The following KDM5C variants were observed in gnomAD, a reference collection of about 807,000 sequenced individuals.
KDM5C encodes lysine demethylase 5C, also known as lysine-specific demethylase 5C.
A neutral mutation model predicts 110.6 loss-of-function variants in KDM5C; 16 were observed. That is an observed-to-expected ratio of 0.14 (90% CI 0.10 to 0.22). The LOEUF (loss-of-function observed/expected upper bound fraction) is 0.22, where lower values mean the gene tolerates loss of function less well. KDM5C is among the 10% of genes least tolerant of loss of function. The pLI, the probability that KDM5C is intolerant of heterozygous loss-of-function variation, is 1.00. For synonymous variants in KDM5C, 511 were observed against 520.4 expected (o/e 0.98, Z 0.24); for missense variants, 681 against 1,300.9 (o/e 0.52, Z 7.33).
At position 53,192,753 on chromosome X, in the gene KDM5C, AG is replaced by A; in HGVS notation, c.*213del. On this transcript the variant is annotated 3_prime_UTR_variant, in exon 26 of 26. Coordinates refer to ENST00000375401, the MANE Select transcript of KDM5C (RefSeq NM_004187.5). ...GAATGCTGGTTAGAGGCTACCAGGGAGGGAAGACTCCAGGGGCCGGCCCCCA... is the reference window on the plus strand; with the variant it reads ...GAATGCTGGTTAGAGGCTACCAGGGAGGAAGACTCCAGGGGCCGGCCCCCA... 1 of 1,072,558 alleles carries A rather than the reference AG, an allele frequency of 9.3e-7. No individual in the cohort carries two copies. Among genetic ancestry groups the A allele is most frequent in the Non-Finnish European group, 1.2e-6 (1 of 815,394 alleles). The allele number at this position is 1,072,558 out of a possible 1,213,427, so 88.4% of individuals were successfully genotyped here. A position where few individuals can be genotyped will look rare whatever the true frequency, so the allele number is the denominator to read the frequency against.
chrX:53,185,274 C>T (rs782593527), intron 25 of KDM5C, among the ~76,000 whole-genome samples: 7 of 111,763 alleles, frequency 6.3e-5, no homozygotes, highest in Non-Finnish European at 9.4e-5. Context: ...CTCATAGAAA[C>T]CTCCCACATG....
At chrX:53,191,220 T>TA (rs1260246304), downstream of KDM5C, 2 of 167,620 alleles carry the variant, frequency 1.2e-5, no homozygotes, top group African/African-American at 3.0e-5. Context: ...ACCCTCATCT[T>TA]AAAGACTTTG....
chrX:53,206,352 T>C lies in KDM5C; in HGVS notation c.1746+4062A>G, dbSNP rs782478758. Among the ~76,000 whole-genome samples the C allele has an allele frequency of 7.2e-5, 8 of 111,474 alleles. No individual in the cohort carries two copies. In the South Asian group the frequency reaches 3.0e-3, roughly 42 times the overall value. ...CCGTAAATGGGTATAAGGGATCTTT[T>C]TGGGGTGGTAGAAATGTTCTACAAC... On this transcript the variant is annotated intron_variant, in intron 12 of 25. Coordinates refer to ENST00000375401, the MANE Select transcript of KDM5C (RefSeq NM_004187.5).
At chrX:53,181,940 C>G (rs1934070704) in intron 25 of KDM5C, among the ~76,000 whole-genome samples, 1 of 109,661 alleles carries the variant, frequency 9.1e-6, no homozygotes, top group Admixed American at 9.7e-5. Flanking sequence ...AGGCGCCCAC[C>G]ACCACACCTG....
In KDM5C at chrX:53,214,686, T is replaced by C. The variant is rs1556850741; in HGVS notation, c.1122+3A>G. ...AGGCAGATGTGGAGTGGGGAGGCCT[T>C]ACCGCCATGACACACTTTGGGCACC... On this transcript the variant is annotated splice_donor_region_variant and intron_variant, in intron 8 of 25. Coordinates refer to ENST00000375401, the MANE Select transcript of KDM5C (RefSeq NM_004187.5). The C allele has an allele frequency of 8.3e-7, 1 of 1,206,105 alleles. No homozygotes were observed. Among genetic ancestry groups the C allele is most frequent in the Non-Finnish European group, 1.1e-6 (1 of 892,556 alleles).
chrX:53,201,371 A>C, intron 14 of KDM5C, 179 bp downstream of exon 14: 1 of 479,552 alleles, frequency 2.1e-6, no homozygotes, highest in Non-Finnish European at 3.7e-6. Flanking sequence ...ACAATGAAGT[A>C]AATCGACTTA....
chrX:53,179,092 G>A (rs1933957985), intron 25 of KDM5C, among the ~76,000 whole-genome samples: 1 of 112,242 alleles, frequency 8.9e-6, no homozygotes, highest in African/African-American at 3.2e-5. Context: ...AAATTAGCCA[G>A]GCATGGTGGC....
chrX:53,190,542 TCA>T (rs1334762818), downstream of KDM5C, among the ~76,000 whole-genome samples: 1 of 112,030 alleles, frequency 8.9e-6, no homozygotes, highest in East Asian at 2.8e-4. Flanking sequence ...ATCCCAGCTC[TCA>T]CACTCATCTC....
At chrX:53,182,010 G>A (rs1012058909) in intron 25 of KDM5C, among the ~76,000 whole-genome samples, 2 of 110,706 alleles carry the variant, frequency 1.8e-5, no homozygotes, top group Non-Finnish European at 3.8e-5. Flanking sequence ...GGATGGTCTC[G>A]ATCCCCTGAC....
rs377113065 is a variant in KDM5C, at chrX:53,193,396, C to T, written c.4317+41G>A. ...AGTGGTCAGGCCTGGGCTCCCTACT[C>T]GGCCTGACCTCCTGGCCCGGCCCAT... On this transcript the variant is annotated intron_variant, in intron 25 of 25. Transcript: ENST00000375401. 5.0e-6 allele frequency: 6 copies of T among 1,209,794 alleles called. No homozygotes were observed. In the African/African-American group the frequency reaches 7.0e-5, roughly 14 times the overall value.
In KDM5C at chrX:53,221,914, AG is replaced by A; in HGVS notation, c.151-999del. 5 of 301,590 alleles carry A rather than the reference AG, an allele frequency of 1.7e-5. 1 individual carries two copies. The highest frequency in any genetic ancestry group is 1.7e-4 in the South Asian group (5 of 30,260). The allele number at this position is 301,590 out of a possible 1,213,427, so 24.9% of individuals were successfully genotyped here. ...TGTCCTGCCCAAAGGTCAGCTGTGA[AG>A]AACCCCCTCTCCAACACCCCTTTCC... On this transcript the variant is annotated intron_variant, in intron 1 of 25. Transcript: ENST00000375401.
At chrX:53,211,400 A>T in intron 10 of KDM5C, 97 bp downstream of exon 10, 1 of 905,822 alleles carries the variant, frequency 1.1e-6, no homozygotes, top group Non-Finnish European at 1.6e-6. Flanking sequence ...AGACAGGCAT[A>T]ATTATCCTCA....
intron 7 of KDM5C, 69 bp from the exon 8 acceptor site, chrX:53,214,916 G>T: frequency 9.0e-7 from 1 of 1,108,705 alleles, no homozygotes; most frequent in Non-Finnish European, 1.2e-6. Flanking sequence ...ATGATTTACA[G>T]CCCTGTATAG....
chrX:53,203,012 G>C (rs1320556143), intron 12 of KDM5C, among the ~76,000 whole-genome samples: 1 of 110,126 alleles, frequency 9.1e-6, no homozygotes, highest in East Asian at 2.8e-4. Flanking sequence ...TAGAGATGGG[G>C]TTTCACCGTG....
chrX:53,176,580 T>A (rs1452405027), exon 26 of KDM5C, among the ~76,000 whole-genome samples: 1 of 111,847 alleles, frequency 8.9e-6, no homozygotes, highest in Non-Finnish European at 1.9e-5. Flanking sequence ...TATGGGAGAT[T>A]TCAGTTCCTC....
rs781854590 is a variant in KDM5C at position 53,211,920 on chromosome X, G to A, written c.1123-14C>T. Reference sequence around the variant, plus strand: ...CCGCTTACACTCCTGAAACCCAAAGGAGAACATGTCACCAAAACAGAGGCA... The same window carrying A: ...CCGCTTACACTCCTGAAACCCAAAGAAGAACATGTCACCAAAACAGAGGCA... On this transcript the variant is annotated splice_polypyrimidine_tract_variant and intron_variant, in intron 8 of 25. Transcript: ENST00000375401. The A allele has an allele frequency of 1.4e-5, 17 of 1,208,256 alleles. No homozygotes were observed. The highest frequency in any genetic ancestry group is 1.8e-5 in the Non-Finnish European group (16 of 894,307).
Position 53,192,873 on chromosome X carries a change from G to GCCCCCCCCCCCCCCCCCCCCCCCCCCC in KDM5C, c.*93_*94insGGGGGGGGGGGGGGGGGGGGGGGGGGG. 1 of 230,667 alleles carries GCCCCCCCCCCCCCCCCCCCCCCCCCCC rather than the reference G, an allele frequency of 4.3e-6. No individual in the cohort carries two copies. The highest frequency in any genetic ancestry group is 6.3e-6 in the Non-Finnish European group (1 of 159,367). 19.0% of individuals were successfully genotyped at this position (230,667 alleles called of 1,213,427 possible). A position where few individuals can be genotyped will look rare whatever the true frequency, so the allele number is the denominator to read the frequency against. On this transcript the variant is annotated 3_prime_UTR_variant, in exon 26 of 26. Transcript: ENST00000375401. ...AGCAGGGATGGCCACCCCCCTACCC[G>GCCCCCCCCCCCCCCCCCCCCCCCCCCC]CCCACCCCCCAAGAAGCAGGCTTGA...
chrX:53,214,833 G>A lies in KDM5C; in HGVS notation c.978C>T (p.Val326=). Residue 326 remains valine, a synonymous_variant, in exon 8 of 26, where the codon GTC becomes GTT. Transcript: ENST00000375401. ...CATCCCCTCGAGAACACATCCGGCA[G>A]ACATATGACTCAATCTGCCAGGGGA... ...HSNAQFIESY[V]CRMCSRGDED... is the part of the protein sequence containing the mutation. 8.3e-7 allele frequency: 1 copy of A among 1,211,791 alleles called. No homozygotes were observed. Among genetic ancestry groups the A allele is most frequent in the Non-Finnish European group, 1.1e-6 (1 of 895,492 alleles).
chrX:53,178,577 C>T (rs1933941039), intron 25 of KDM5C, among the ~76,000 whole-genome samples: 1 of 111,671 alleles, frequency 9.0e-6, no homozygotes. Context: ...CTTTCACTGC[C>T]CTCAAAAAAG....
Sources: allele counts gnomAD v4.1 joint callset (sites outside exome capture counted in the v4.1 genomes callset), GRCh38; gene constraint gnomAD v4.1.1; transcripts MANE v1.5; gene names NCBI Gene and HGNC (gene_info 2026-07-23, HGNC 2026-07-21).